The following DOCK5 variants were observed in gnomAD, a reference collection of about 807,000 sequenced individuals.
DOCK5 encodes the protein dedicator of cytokinesis 5, also known as dedicator of cytokinesis protein 5.
DOCK5 carries 142 observed loss-of-function variants against 251.8 expected under a neutral mutation model. The ratio of observed to expected loss-of-function variants is 0.56; its 90% CI spans 0.49 to 0.65. The LOEUF is 0.65. Ranked by LOEUF, DOCK5 falls within the 30% of genes least tolerant of loss-of-function variation. DOCK5 has a pLI of 0.00. For missense variants in DOCK5, 2,111 were observed against 2,312.3 expected, an observed-to-expected ratio of 0.91 and a Z score of 1.79; for synonymous variants, 842 against 835.5, an observed-to-expected ratio of 1.01 and a Z score of -0.13.
chr8:25,252,398 A>T (rs1484340296), intron 2 of DOCK5, among the ~76,000 whole-genome samples: 1 of 152,242 alleles, frequency 6.6e-6, no homozygotes, highest in African/African-American at 2.4e-5. Flanking sequence ...AATTAAAATA[A>T]TTGAAAGTTT....
At chr8:25,313,238 G>A (rs762562156) in intron 13 of DOCK5, among the ~76,000 whole-genome samples, 111 of 151,948 alleles carry the variant, frequency 7.3e-4, no homozygotes, top group Admixed American at 1.3e-3. Context: ...CTTCAGCATC[G>A]CAGGAGTGAT....
intron 2 of DOCK5, among the ~76,000 whole-genome samples, chr8:25,256,094 G>A (rs1803413765): frequency 6.6e-6 from 1 of 152,104 alleles, no homozygotes; most frequent in Admixed American, 6.5e-5. Context: ...AATGGACAAG[G>A]CAACACAGGA....
intron 21 of DOCK5, 85 bp downstream of exon 21, chr8:25,334,281 C>A (rs1425935779): frequency 1.8e-6 from 2 of 1,110,816 alleles, no homozygotes; most frequent in Non-Finnish European, 2.7e-6. Flanking sequence ...CGAGACGGAC[C>A]TATTACTATT....
chr8:25,337,183 C>A (rs997282215), intron 22 of DOCK5, among the ~76,000 whole-genome samples: 1 of 151,946 alleles, frequency 6.6e-6, no homozygotes, highest in African/African-American at 2.4e-5. Flanking sequence ...CTTAAATGGT[C>A]AATAAACTTT....
At chr8:25,286,695 G>A (rs879128207) in intron 5 of DOCK5, among the ~76,000 whole-genome samples, 9 of 151,390 alleles carry the variant, frequency 5.9e-5, no homozygotes, top group African/African-American at 9.7e-5. Context: ...ATAGGGTCTC[G>A]TTCTGCCACC....
At chr8:25,278,813 T>TC in intron 5 of DOCK5, 148 bp downstream of exon 5, 1 of 736,756 alleles carries the variant, frequency 1.4e-6, no homozygotes, top group Admixed American at 2.4e-5. Context: ...AGCAGCAGAT[T>TC]CTCATTTCCC....
chr8:25,404,097 A>G (rs1247492743), intron 48 of DOCK5, among the ~76,000 whole-genome samples: 2 of 152,166 alleles, frequency 1.3e-5, no homozygotes, highest in Admixed American at 6.6e-5. Context: ...ACTTCCCACT[A>G]CAGTAGAAGC....
At chr8:25,359,492 A>G (rs1282553014) in intron 28 of DOCK5, among the ~76,000 whole-genome samples, 1 of 152,174 alleles carries the variant, frequency 6.6e-6, no homozygotes, top group African/African-American at 2.4e-5. Context: ...GCCCTTTACA[A>G]CTGGTCCGTG....
At position 25,332,657 on chromosome 8, in the gene DOCK5, A is replaced by C; in HGVS notation, c.2056A>C (p.Ser686Arg). The C allele has an allele frequency of 6.2e-7, 1 of 1,612,746 alleles. No individual in the cohort carries two copies. The highest frequency in any genetic ancestry group is 2.2e-5 in the East Asian group (1 of 44,796). Residue 686 changes from serine to arginine, a missense_variant, in exon 20 of 52, where the codon AGT becomes CGT. By Grantham distance (110) the Ser-to-Arg change is moderately radical. Around this residue, in one of 3 missense-constraint regions of DOCK5, gnomAD observed 1,717 missense variants for 1,892.4 expected, o/e 0.91. Coordinates refer to ENST00000276440, the MANE Select transcript of DOCK5 (RefSeq NM_024940.8). ...LFNIMMEMSD[S>R]ETYDFLVFDA... ...TAACATAATGATGGAAATGTCAGAC[A>C]GTGAAACCTATGACTTCCTTGTGTT... is the stretch of plus-strand genomic sequence containing the variant.
Position 25,373,609 on chromosome 8 carries a change from TCCTGG to T in DOCK5, c.3685-7_3685-3del. The T allele has an allele frequency of 6.3e-7, 1 of 1,590,308 alleles. No homozygotes were observed. The highest frequency in any genetic ancestry group is 8.6e-7 in the Non-Finnish European group (1 of 1,167,552). Reference sequence around the variant, plus strand: ...GTTGGGATTCTGTGATCCTTTTTTTTCCTGGCAGAACTTTTATAAAGAAAAGAAGA... The same window carrying T: ...GTTGGGATTCTGTGATCCTTTTTTTTCAGAACTTTTATAAAGAAAAGAAGA... On this transcript the variant is annotated splice_polypyrimidine_tract_variant and splice_region_variant and intron_variant, in intron 35 of 51. Transcript: ENST00000276440.
chr8:25,184,849 C>G lies in DOCK5; in HGVS notation c.-60C>G, dbSNP rs1801388510. 7.8e-7 allele frequency: 1 copy of G among 1,276,232 alleles called. No homozygotes were observed. The highest frequency in any genetic ancestry group is 1.0e-6 in the Non-Finnish European group (1 of 1,003,788). 79.1% of individuals were successfully genotyped at this position (1,276,232 alleles called of 1,614,324 possible). A position where few individuals can be genotyped will look rare whatever the true frequency, so the allele number is the denominator to read the frequency against. On this transcript the variant is annotated 5_prime_UTR_variant, in exon 1 of 52. Coordinates refer to ENST00000276440, the MANE Select transcript of DOCK5 (RefSeq NM_024940.8). ...ACGCAGGAGCGCGGGGCGGCGGCGGCCGGAGCCCGAGGAGCTGTAGCAGCC... is the reference window on the plus strand; with the variant it reads ...ACGCAGGAGCGCGGGGCGGCGGCGGGCGGAGCCCGAGGAGCTGTAGCAGCC...
At chr8:25,243,792 A>C in intron 2 of DOCK5, 35 bp downstream of exon 2, 1 of 1,594,498 alleles carries the variant, frequency 6.3e-7, no homozygotes, top group Non-Finnish European at 8.6e-7. Flanking sequence ...GATGAGGGCA[A>C]GGGAAAAACA....
rs1800813326 is a variant in DOCK5, at chr8:25,368,259, C to G, written c.3283+9C>G. On this transcript the variant is annotated intron_variant, in intron 32 of 51. Transcript: ENST00000276440. ...CATGTGGTATAACCTGGGTGAGTGT[C>G]TAGCCTTGAACAGGCCTGATCACAA... 1 of 1,610,852 alleles carries G rather than the reference C, an allele frequency of 6.2e-7. No individual in the cohort carries two copies. Among genetic ancestry groups the G allele is most frequent in the African/African-American group, 1.3e-5 (1 of 75,026 alleles).
intron 1 of DOCK5, among the ~76,000 whole-genome samples, chr8:25,208,405 G>A (rs1372797721): frequency 1.3e-5 from 2 of 152,182 alleles, no homozygotes; most frequent in African/African-American, 4.8e-5. Context: ...AATATTTCAT[G>A]AAAGGAAGTA....
intron 2 of DOCK5, among the ~76,000 whole-genome samples, chr8:25,248,541 C>T (rs375623716): frequency 6.6e-6 from 1 of 152,092 alleles, no homozygotes; most frequent in East Asian, 1.9e-4. Context: ...ACCCTGCCCT[C>T]GAGATGTCTG....
At chr8:25,249,950 T>C (rs1269824523) in intron 2 of DOCK5, among the ~76,000 whole-genome samples, 1 of 152,230 alleles carries the variant, frequency 6.6e-6, no homozygotes, top group Non-Finnish European at 1.5e-5. Flanking sequence ...TGTAGGTACA[T>C]TATATTTTAT....
chr8:25,189,993 T>G (rs1801534452), intron 1 of DOCK5, among the ~76,000 whole-genome samples: 1 of 151,828 alleles, frequency 6.6e-6, no homozygotes, highest in African/African-American at 2.4e-5. Flanking sequence ...TTCAAGCGAT[T>G]CTCCTGCCTC....
At chr8:25,289,398 T>G (rs747985044) in intron 5 of DOCK5, among the ~76,000 whole-genome samples, 3 of 151,726 alleles carry the variant, frequency 2.0e-5, no homozygotes, top group Non-Finnish European at 4.4e-5. Flanking sequence ...GTGATCCTCT[T>G]GCCTCGGCCT....
intron 44 of DOCK5, among the ~76,000 whole-genome samples, chr8:25,393,953 A>G (rs1442326661): frequency 6.6e-6 from 1 of 152,252 alleles, no homozygotes; most frequent in Non-Finnish European, 1.5e-5. Context: ...ATGGCTAGGT[A>G]CAGTGGCTCA....
Sources: gnomAD v4.1 joint callset for allele counts (sites outside exome capture counted in the v4.1 genomes callset) on GRCh38, gnomAD v4.1.1 for gene constraint, gnomAD v4.1.1 regional missense constraint, MANE v1.5 for transcripts, NCBI Gene and HGNC (gene_info 2026-07-23, HGNC 2026-07-21) for gene names.